Variants in CCDC171 observed in about 807,000 individuals in gnomAD.
CCDC171 encodes the protein coiled-coil domain containing 171.
Under a neutral mutation model 168.2 loss-of-function variants are expected in CCDC171, and 177 were observed. The ratio of observed to expected loss-of-function variants is 1.05; its 90% CI spans 0.93 to 1.19. The LOEUF (loss-of-function observed/expected upper bound fraction) is 1.19, where lower values mean the gene tolerates loss of function less well. Ranked by LOEUF, CCDC171 falls within the 50% of genes most tolerant of loss-of-function variation. The pLI is 0.00. For synonymous variants in CCDC171, 687 were observed against 540.8 expected, an observed-to-expected ratio of 1.27 and a Z score of -3.75; for missense variants, 1,991 against 1,539.0, an observed-to-expected ratio of 1.29 and a Z score of -4.91.
chr9:15,847,184 C>G (rs887432898), intron 22 of CCDC171, among the ~76,000 whole-genome samples: 1 of 151,910 alleles, frequency 6.6e-6, no homozygotes, highest in Non-Finnish European at 1.5e-5. Flanking sequence ...TTATACATTC[C>G]TATTCTCTTC....
the CCDC171 span, among the ~76,000 whole-genome samples, chr9:16,069,698 G>A: frequency 1.3e-5 from 2 of 152,214 alleles, no homozygotes. Context: ...TTCACAGTGA[G>A]AGGAAACCTC....
At position 15,623,500 on chromosome 9, in the gene CCDC171, CACACACAT is replaced by C; in HGVS notation, c.822+89_822+96del. The C allele has an allele frequency of 4.3e-6, 3 of 692,686 alleles. No homozygotes were observed. In the South Asian group the frequency reaches 9.6e-5, roughly 22 times the overall value. 42.9% of individuals were successfully genotyped at this position (692,686 alleles called of 1,614,324 possible). On this transcript the variant is annotated intron_variant, in intron 7 of 25. Transcript: ENST00000380701. ...GCACACACACACACACACACACACA[CACACACAT>C]AAAACCCATTCCGTGATTTAAGATT...
At chr9:15,885,705 C>T (rs1036920053) in intron 24 of CCDC171, 3 of 152,130 alleles carry the variant, frequency 2.0e-5, no homozygotes, top group Admixed American at 6.5e-5. Context: ...TGAAGTTCTT[C>T]AAATTGATGC....
At chr9:15,935,515 TACA>T (rs1475864236) in intron 25 of CCDC171, among the ~76,000 whole-genome samples, 1 of 152,088 alleles carries the variant, frequency 6.6e-6, no homozygotes, top group East Asian at 1.9e-4. Flanking sequence ...TGTGTCAGTT[TACA>T]ACAATAGATT....
chr9:16,101,153 A>G, the CCDC171 span, among the ~76,000 whole-genome samples: 1 of 152,202 alleles, frequency 6.6e-6, no homozygotes, highest in Admixed American at 6.5e-5. Context: ...GCTTCTTGCT[A>G]CACAAAGGAA....
chr9:15,855,237 A>G (rs1025380140), intron 23 of CCDC171, among the ~76,000 whole-genome samples: 3 of 151,716 alleles, frequency 2.0e-5, no homozygotes, highest in Non-Finnish European at 4.4e-5. Flanking sequence ...TTTGCTTCAT[A>G]TATTTTGAGA....
intron 7 of CCDC171, among the ~76,000 whole-genome samples, chr9:15,638,893 T>C (rs2046392199): frequency 6.6e-6 from 1 of 152,014 alleles, no homozygotes; most frequent in Non-Finnish European, 1.5e-5. Flanking sequence ...TAGGGGAGTT[T>C]ATTATCATGG....
the CCDC171 span, among the ~76,000 whole-genome samples, chr9:16,101,487 A>G: frequency 6.6e-6 from 1 of 152,284 alleles, no homozygotes; most frequent in African/African-American, 2.4e-5. Context: ...ATGCAACATC[A>G]CTCCTGTGAT....
At chr9:16,106,807 G>C in the CCDC171 span, among the ~76,000 whole-genome samples, 7 of 152,092 alleles carry the variant, frequency 4.6e-5, no homozygotes, top group Non-Finnish European at 1.0e-4. Flanking sequence ...AGGCTTTTTG[G>C]GATTAGGCCA....
downstream of CCDC171, among the ~76,000 whole-genome samples, chr9:15,974,749 A>T (rs1831569690): frequency 1.3e-5 from 2 of 152,208 alleles, no homozygotes; most frequent in Non-Finnish European, 2.9e-5. Context: ...TGATCACTTT[A>T]ATTTACCAAA....
intron 4 of CCDC171, among the ~76,000 whole-genome samples, chr9:15,580,074 C>G (rs538039397): frequency 9.2e-5 from 14 of 152,254 alleles, no homozygotes; most frequent in Admixed American, 7.8e-4. Context: ...CAAATACTTA[C>G]AGCCAACTGA....
intron 11 of CCDC171, among the ~76,000 whole-genome samples, chr9:15,714,535 A>T (rs986157314): frequency 6.6e-6 from 1 of 152,174 alleles, no homozygotes; most frequent in African/African-American, 2.4e-5. Context: ...TGTCTCCCTG[A>T]ATTAATGGCA....
chr9:16,017,832 G>T (rs3008712), intron 3 of CCDC171, among the ~76,000 whole-genome samples: 23,942 of 152,096 alleles, frequency 0.16, 1,930 homozygotes, highest in Middle Eastern at 0.21. Flanking sequence ...AGAGGCCTAG[G>T]TTGAGCTTTG....
At chr9:16,059,922 C>T (rs572369789) in intron 1 of CCDC171, among the ~76,000 whole-genome samples, 8 of 152,000 alleles carry the variant, frequency 5.3e-5, no homozygotes, top group Non-Finnish European at 8.8e-5. Flanking sequence ...CTCAGAACTA[C>T]GCCAGTGTTT....
intron 9 of CCDC171, among the ~76,000 whole-genome samples, chr9:15,667,443 C>T (rs770073866): frequency 4.6e-5 from 7 of 151,912 alleles, no homozygotes; most frequent in African/African-American, 7.3e-5. Context: ...TTCAGGAGTT[C>T]GAGACCAGCC....
chr9:15,989,845 GAATGA>G (rs1832128011), intron 3 of CCDC171, among the ~76,000 whole-genome samples: 1 of 152,078 alleles, frequency 6.6e-6, no homozygotes, highest in Non-Finnish European at 1.5e-5. Flanking sequence ...AAGATCAAAT[GAATGA>G]AATGAAGTGA....
At chr9:15,875,136 A>G (rs1277802964) in intron 24 of CCDC171, 3 of 152,134 alleles carry the variant, frequency 2.0e-5, no homozygotes, top group Non-Finnish European at 4.4e-5. Context: ...CTTATGAAGT[A>G]ATTTAATTTC....
the CCDC171 span, among the ~76,000 whole-genome samples, chr9:16,078,749 G>T: frequency 1.3e-5 from 2 of 152,134 alleles, no homozygotes; most frequent in African/African-American, 4.8e-5. Context: ...CACATGGAAT[G>T]AGCATGATAC....
chr9:15,639,817 T>A (rs866452744), intron 7 of CCDC171, among the ~76,000 whole-genome samples: 2 of 152,186 alleles, frequency 1.3e-5, no homozygotes, highest in Admixed American at 6.5e-5. Flanking sequence ...ATCTAGGGGA[T>A]TCTGGAAAAC....
Sources: allele counts gnomAD v4.1 joint callset (sites outside exome capture counted in the v4.1 genomes callset), GRCh38; gene constraint gnomAD v4.1.1; transcripts MANE v1.5; gene names NCBI Gene and HGNC (gene_info 2026-07-23, HGNC 2026-07-21).